Variants in SCAI observed in about 807,000 individuals in gnomAD.
The protein encoded by SCAI is suppressor of cancer cell invasion.
A neutral mutation model predicts 92.2 loss-of-function variants in SCAI; 24 were observed. The observed-to-expected ratio is 0.26, with a 90% CI of 0.19 to 0.37. The LOEUF is 0.37. Ranked by LOEUF, SCAI falls within the 10% of genes least tolerant of loss-of-function variation. SCAI has a pLI of 1.00. For synonymous variants in SCAI, 261 were observed against 258.6 expected (o/e 1.01, Z -0.09); for missense variants, 450 against 736.2 (o/e 0.61, Z 4.50).
intron 17 of SCAI, among the ~76,000 whole-genome samples, chr9:124,954,075 A>G (rs1362329617): frequency 6.6e-6 from 1 of 151,888 alleles, no homozygotes; most frequent in Non-Finnish European, 1.5e-5. Context: ...CCTGAGCTCA[A>G]CCAATCTACA....
Position 124,946,741 on chromosome 9 carries a change from G to A in SCAI, c.*6066C>T, listed in dbSNP as rs1404507277. The A allele has an allele frequency of 6.6e-6, 1 of 152,142 alleles. No homozygotes were observed. The highest frequency in any genetic ancestry group is 1.5e-5 in the Non-Finnish European group (1 of 68,024). 9.4% of individuals were successfully genotyped at this position (152,142 alleles called of 1,614,324 possible). ...GGCCCAGATTTTTATAGCACACCAT[G>A]CATCTAATATTAAAAACTCTACTTC... On this transcript the variant is annotated 3_prime_UTR_variant, in exon 18 of 18. Transcript: ENST00000336505. This position sits in a 1 kb window ranked among gnomAD's most constrained non-coding sequence, Gnocchi z 4.0.
At chr9:125,050,432 A>C (rs1223787084) in intron 3 of SCAI, among the ~76,000 whole-genome samples, 1 of 152,202 alleles carries the variant, frequency 6.6e-6, no homozygotes, top group African/African-American at 2.4e-5. Context: ...TTTACGCAGG[A>C]AACAGGGAGA....
chr9:125,035,751 A>G (rs1833181405), intron 3 of SCAI, among the ~76,000 whole-genome samples: 1 of 152,142 alleles, frequency 6.6e-6, no homozygotes, highest in South Asian at 2.1e-4. Context: ...AGTAGTTGAC[A>G]ATATGATTAA....
At chr9:125,002,091 C>A in intron 11 of SCAI, 48 bp from the exon 12 acceptor site, 1 of 1,262,716 alleles carries the variant, frequency 7.9e-7, no homozygotes, top group Admixed American at 1.7e-5. Context: ...CAAGGATAAA[C>A]AACATGGTTT....
At chr9:124,961,414 C>A (rs963110116) in intron 17 of SCAI, among the ~76,000 whole-genome samples, 9 of 152,162 alleles carry the variant, frequency 5.9e-5, no homozygotes, top group Non-Finnish European at 1.3e-4. Context: ...CTTTGGGAGG[C>A]TGAGGCGGTT....
chr9:125,097,664 G>C (rs1013013890), intron 2 of SCAI, among the ~76,000 whole-genome samples: 6 of 151,656 alleles, frequency 4.0e-5, no homozygotes, highest in Non-Finnish European at 1.5e-5. Context: ...AGGAAGAAGA[G>C]AAAGAAGTAG....
intron 3 of SCAI, among the ~76,000 whole-genome samples, chr9:125,040,240 C>G (rs932878710): frequency 6.6e-6 from 1 of 152,044 alleles, no homozygotes; most frequent in Non-Finnish European, 1.5e-5. Flanking sequence ...GCCTGTGGTC[C>G]CAGCTACTTG....
intron 17 of SCAI, among the ~76,000 whole-genome samples, chr9:124,967,704 C>T (rs551189259): frequency 4.0e-4 from 61 of 152,194 alleles, no homozygotes; most frequent in Non-Finnish European, 7.9e-4. Context: ...AGAAACAGCA[C>T]TAGGTCTCCC....
chr9:124,997,423 T>C (rs937803695), intron 13 of SCAI, among the ~76,000 whole-genome samples: 4 of 152,182 alleles, frequency 2.6e-5, no homozygotes, highest in African/African-American at 9.6e-5. Context: ...CCCGAAACAC[T>C]TTTGGTCCCA....
intron 2 of SCAI, among the ~76,000 whole-genome samples, chr9:125,078,657 TATA>T (rs1190686194): frequency 3.3e-5 from 5 of 152,144 alleles, no homozygotes; most frequent in Non-Finnish European, 5.9e-5. Context: ...GGCTCACACT[TATA>T]ATCCCAGCGC....
Position 125,004,767 on chromosome 9 carries a change from ATATATATATATATTTTTTTTTTTTTTTTT to A in SCAI, c.862-1226_862-1198del, listed in dbSNP as rs1378854015. Among the ~76,000 whole-genome samples, 42 of 7,460 alleles carry A rather than the reference ATATATATATATATTTTTTTTTTTTTTTTT, an allele frequency of 5.6e-3. 3 individuals are homozygous for A. Among genetic ancestry groups the A allele is most frequent in the African/African-American group, 0.015 (39 of 2,610 alleles). The allele number at this position is 7,460 out of a possible 152,430, so 4.9% of individuals were successfully genotyped here. A position where few individuals can be genotyped will look rare whatever the true frequency, so the allele number is the denominator to read the frequency against. On this transcript the variant is annotated intron_variant, in intron 9 of 17. Coordinates refer to ENST00000336505, the MANE Select transcript of SCAI (RefSeq NM_001144877.3). ...TATATATATATATATATATATATAT[ATATATATATATATTTTTTTTTTTTTTTTT>A]TTTTTTTTTGAGATGGAGTTTCATT...
At chr9:125,021,519 C>A (rs1832869495) in intron 6 of SCAI, among the ~76,000 whole-genome samples, 2 of 152,264 alleles carry the variant, frequency 1.3e-5, no homozygotes, top group Admixed American at 6.5e-5. Context: ...CTAGGAGTAA[C>A]AACGTGCATC....
intron 2 of SCAI, among the ~76,000 whole-genome samples, chr9:125,127,746 G>A (rs894886711): frequency 6.6e-6 from 1 of 152,134 alleles, no homozygotes; most frequent in African/African-American, 2.4e-5. Flanking sequence ...GGTGGCACAC[G>A]CCTGTAATCC....
chr9:125,011,321 T>C (rs1488223445), intron 9 of SCAI, among the ~76,000 whole-genome samples: 1 of 152,004 alleles, frequency 6.6e-6, no homozygotes, highest in East Asian at 1.9e-4. Flanking sequence ...GGATAACCAA[T>C]ACAGAGAAGT....
At chr9:125,097,649 A>G (rs894619387) in intron 2 of SCAI, among the ~76,000 whole-genome samples, 2 of 151,800 alleles carry the variant, frequency 1.3e-5, no homozygotes, top group Non-Finnish European at 2.9e-5. Flanking sequence ...GTGATTTAAA[A>G]AGGCAGGAAG....
At chr9:124,962,909 G>A (rs1362664802) in intron 17 of SCAI, among the ~76,000 whole-genome samples, 6 of 143,464 alleles carry the variant, frequency 4.2e-5, no homozygotes, top group Middle Eastern at 3.8e-3. Flanking sequence ...AGTGATTCTC[G>A]TGTCTCAGCC....
At chr9:125,131,233 C>T (rs1338484725) in intron 2 of SCAI, among the ~76,000 whole-genome samples, 1 of 151,246 alleles carries the variant, frequency 6.6e-6, no homozygotes, top group Non-Finnish European at 1.5e-5. Context: ...TGGTGAAACC[C>T]CATCTCTACA....
chr9:125,003,141 T>G lies in SCAI; in HGVS notation c.1038A>C (p.Leu346=), dbSNP rs753899383. 3 of 1,613,694 alleles carry G rather than the reference T, an allele frequency of 1.9e-6. No homozygotes were observed. The highest frequency in any genetic ancestry group is 4.5e-5 in the East Asian group (2 of 44,890). Residue 346 remains leucine, a synonymous_variant, in exon 11 of 18, where the codon CTA becomes CTC. Coordinates refer to ENST00000336505, the MANE Select transcript of SCAI (RefSeq NM_001144877.3). The part of the protein sequence containing the change: ...YLLYKPTFSQ[L]YTFLAASFKE... ...TAAAAGACGCTGCTAAGAAGGTATA[T>G]AGCTGGCTGAAGGTTGGTTTGTAGA...
chr9:125,016,739 T>TAC (rs1832768483), intron 9 of SCAI, among the ~76,000 whole-genome samples: 1 of 152,078 alleles, frequency 6.6e-6, no homozygotes, highest in Non-Finnish European at 1.5e-5. Context: ...ATCTGACCCA[T>TAC]ACTTCACACT....
Sources: allele counts gnomAD v4.1 joint callset (sites outside exome capture counted in the v4.1 genomes callset), GRCh38; gene constraint gnomAD v4.1.1; non-coding constraint Gnocchi (gnomAD v3.1); transcripts MANE v1.5; gene names NCBI Gene and HGNC (gene_info 2026-07-23, HGNC 2026-07-21).